Variants in DPP4 observed in about 807,000 individuals in gnomAD.
DPP4 encodes dipeptidyl peptidase 4.
In DPP4, 93 loss-of-function variants were observed where a neutral mutation model predicts 122.4. The observed-to-expected ratio is 0.76, with a 90% CI of 0.64 to 0.90. The LOEUF is 0.90. Among genes scored for constraint, DPP4 ranks in the 40% least tolerant of loss-of-function variants. The pLI is 0.00. For missense variants in DPP4, 914 were observed against 907.3 expected (o/e 1.01, Z -0.09); for synonymous variants, 321 against 302.9 (o/e 1.06, Z -0.62).
chr2:162,046,153 G>A (rs1237276183), intron 4 of DPP4, among the ~76,000 whole-genome samples: 2 of 152,154 alleles, frequency 1.3e-5, no homozygotes, highest in Non-Finnish European at 2.9e-5. Context: ...AGGGAAGAGC[G>A]GAGGGCTGAT....
intron 19 of DPP4, among the ~76,000 whole-genome samples, chr2:162,013,446 G>A (rs1682784233): frequency 2.0e-5 from 3 of 152,054 alleles, no homozygotes; most frequent in Non-Finnish European, 4.4e-5. Context: ...GCTTTTATGT[G>A]TGGTTTTCAT....
At position 161,992,661 on chromosome 2, in the gene DPP4, T is replaced by G. The variant is rs920568136; in HGVS notation, c.*622A>C. On this transcript the variant is annotated 3_prime_UTR_variant, in exon 26 of 26. Transcript: ENST00000360534. ...CAGTTTCCCTTACATTTCTTTGGAG[T>G]CTTTTCAACTGCTGTGGTTTTACTT... The G allele has an allele frequency of 2.6e-5, 4 of 152,610 alleles. No homozygotes were observed. Among genetic ancestry groups the G allele is most frequent in the African/African-American group, 9.7e-5 (4 of 41,424 alleles). The allele number at this position is 152,610 out of a possible 1,614,324, so 9.5% of individuals were successfully genotyped here. A position where few individuals can be genotyped will look rare whatever the true frequency, so the allele number is the denominator to read the frequency against.
intron 14 of DPP4, 149 bp from the exon 15 acceptor site, chr2:162,019,425 C>A (rs1429090492): frequency 3.8e-6 from 2 of 527,454 alleles, no homozygotes; most frequent in African/African-American, 2.0e-5. Context: ...TGTCCCTCAC[C>A]CCCGAGAAGC....
chr2:162,062,978 G>A (rs1407599264), intron 2 of DPP4, among the ~76,000 whole-genome samples: 4 of 147,414 alleles, frequency 2.7e-5, no homozygotes, highest in African/African-American at 9.7e-5. Context: ...TACACCATAG[G>A]GAAGTAAGAA....
intron 10 of DPP4, among the ~76,000 whole-genome samples, chr2:162,028,736 G>T (rs377657906): frequency 6.6e-6 from 1 of 152,220 alleles, no homozygotes; most frequent in Non-Finnish European, 1.5e-5. Context: ...CCCATGTGGA[G>T]TCTACTATGT....
intron 2 of DPP4, among the ~76,000 whole-genome samples, chr2:162,064,152 T>C (rs1345267345): frequency 2.6e-5 from 4 of 152,114 alleles, no homozygotes; most frequent in African/African-American, 9.7e-5. Context: ...AATGAGCATA[T>C]GGAGGAGGTG....
At chr2:162,020,921 A>G (rs574702080) in intron 12 of DPP4, among the ~76,000 whole-genome samples, 1 of 152,364 alleles carries the variant, frequency 6.6e-6, no homozygotes, top group East Asian at 1.9e-4. Flanking sequence ...GTATATAAAG[A>G]GGCTTGTAGA....
chr2:162,058,454 A>G lies in DPP4; in HGVS notation c.95-10953T>C, dbSNP rs548076126. 1.1e-4 allele frequency among the ~76,000 whole-genome samples: 17 copies of G among 152,344 alleles called. 1 individual carries two copies. In the South Asian group the frequency reaches 3.3e-3, roughly 30 times the overall value. On this transcript the variant is annotated intron_variant, in intron 2 of 25. Coordinates refer to ENST00000360534, the MANE Select transcript of DPP4 (RefSeq NM_001935.4). Reference sequence around the variant, plus strand: ...AATGTTGCAACCCTGTTAACTGCCTATATGAGTGAAACTTTCAATTCCTCA... The same window carrying G: ...AATGTTGCAACCCTGTTAACTGCCTGTATGAGTGAAACTTTCAATTCCTCA...
chr2:162,022,610 A>G (rs1004023610), intron 12 of DPP4, 145 bp downstream of exon 12: 1 of 732,928 alleles, frequency 1.4e-6, no homozygotes, highest in African/African-American at 1.8e-5. Flanking sequence ...ATATCTTTAT[A>G]GGGAGCATTT....
chr2:162,047,123 A>G, intron 3 of DPP4, 117 bp from the exon 4 acceptor site: 1 of 614,200 alleles, frequency 1.6e-6, no homozygotes. Flanking sequence ...TTCTAAGTTG[A>G]GAAAACATGA....
Position 162,047,539 on chromosome 2 carries a change from G to C in DPP4, c.95-38C>G, listed in dbSNP as rs1050030708. 5.7e-6 allele frequency: 8 copies of C among 1,412,176 alleles called. No individual in the cohort carries two copies. In the African/African-American group the frequency reaches 9.8e-5, roughly 17 times the overall value. The allele number at this position is 1,412,176 out of a possible 1,614,324, so 87.5% of individuals were successfully genotyped here. On this transcript the variant is annotated intron_variant, in intron 2 of 25. Coordinates refer to ENST00000360534, the MANE Select transcript of DPP4 (RefSeq NM_001935.4). ...AAGAGCCAAATGTTCATTTCAGTAAGATGGAATAACCTAAGTTTTGGATAA... is the reference window on the plus strand; with the variant it reads ...AAGAGCCAAATGTTCATTTCAGTAACATGGAATAACCTAAGTTTTGGATAA...
chr2:162,073,508 T>A (rs147231116), intron 1 of DPP4, 22 bp from the exon 2 acceptor site: 15 of 1,611,732 alleles, frequency 9.3e-6, no homozygotes, highest in Middle Eastern at 1.8e-4. Context: ...GCAGATCAAG[T>A]CCAATTAGAG....
chr2:162,058,101 C>G (rs1241153583), intron 2 of DPP4, among the ~76,000 whole-genome samples: 3 of 152,046 alleles, frequency 2.0e-5, no homozygotes, highest in African/African-American at 7.2e-5. Context: ...ACTGGAGCCA[C>G]CACGCCTGGC....
At chr2:162,045,766 C>T (rs962833846) in intron 4 of DPP4, among the ~76,000 whole-genome samples, 154 bp from the exon 5 acceptor site, 3 of 152,074 alleles carry the variant, frequency 2.0e-5, no homozygotes, top group South Asian at 2.1e-4. Flanking sequence ...ACACAAATGA[C>T]CGTGATGCAA....
intron 2 of DPP4, among the ~76,000 whole-genome samples, chr2:162,054,942 T>C (rs1359853721): frequency 1.3e-5 from 2 of 152,184 alleles, no homozygotes; most frequent in South Asian, 2.1e-4. Flanking sequence ...AAGAAGCACC[T>C]GTAGATATGT....
chr2:162,020,317 T>TTTAAAA, intron 13 of DPP4, 21 bp from the exon 14 acceptor site: 1 of 1,374,572 alleles, frequency 7.3e-7, no homozygotes, highest in Non-Finnish European at 9.8e-7. Flanking sequence ...TTTTTTTTTT[T>TTTAAAA]CAAAAAAAAA....
intron 2 of DPP4, among the ~76,000 whole-genome samples, chr2:162,053,073 A>C (rs1287262635): frequency 6.6e-6 from 1 of 152,206 alleles, no homozygotes; most frequent in Non-Finnish European, 1.5e-5. Context: ...CAAATTATAG[A>C]CAGAGTTCAT....
At chr2:162,019,068 T>C (rs1368163063) in intron 15 of DPP4, among the ~76,000 whole-genome samples, 155 bp downstream of exon 15, 4 of 152,098 alleles carry the variant, frequency 2.6e-5, no homozygotes, top group Non-Finnish European at 4.4e-5. Flanking sequence ...CCATTCTCTC[T>C]TGTGGACATG....
intron 11 of DPP4, 25 bp downstream of exon 11, chr2:162,024,779 G>A (rs191825594): frequency 1.9e-6 from 3 of 1,609,790 alleles, no homozygotes; most frequent in Non-Finnish European, 1.7e-6. Flanking sequence ...TGCTCTAGAA[G>A]CAGAACATCC....
Sources: gnomAD v4.1 joint callset for allele counts (sites outside exome capture counted in the v4.1 genomes callset) on GRCh38, gnomAD v4.1.1 for gene constraint, MANE v1.5 for transcripts, NCBI Gene and HGNC (gene_info 2026-07-23, HGNC 2026-07-21) for gene names.